Variants in NCKAP1L observed in about 807,000 individuals in gnomAD.
The protein encoded by NCKAP1L is nck-associated protein 1-like.
Under a neutral mutation model 139.2 loss-of-function variants are expected in NCKAP1L, and 53 were observed. The observed-to-expected ratio is 0.38, with a 90% CI of 0.31 to 0.48. NCKAP1L has a LOEUF of 0.48. NCKAP1L is among the 20% of genes least tolerant of loss of function. The pLI is 0.98. For missense variants in NCKAP1L, 1,151 were observed against 1,381.9 expected, an observed-to-expected ratio of 0.83 and a Z score of 2.65; for synonymous variants, 468 against 499.7, an observed-to-expected ratio of 0.94 and a Z score of 0.85.
rs1957007398 is a variant in NCKAP1L at position 54,523,963 on chromosome 12, CT to C, written c.2156+8del. 2 of 1,612,568 alleles carry C rather than the reference CT, an allele frequency of 1.2e-6. No individual in the cohort carries two copies. Among genetic ancestry groups the C allele is most frequent in the African/African-American group, 2.7e-5 (2 of 74,922 alleles). ...TGGAGGCCAGACTCAACAGGTATCA[CT>C]CTTTCCTTGTCCTCTGTTTGGACAG... On this transcript the variant is annotated splice_region_variant and intron_variant, in intron 20 of 30. Coordinates refer to ENST00000293373, the MANE Select transcript of NCKAP1L (RefSeq NM_005337.5).
Position 54,519,208 on chromosome 12 carries a change from G to A in NCKAP1L, c.1501G>A (p.Ala501Thr), listed in dbSNP as rs767122569. 1 of 1,569,150 alleles carries A rather than the reference G, an allele frequency of 6.4e-7. No homozygotes were observed. The highest frequency in any genetic ancestry group is 1.2e-5 in the South Asian group (1 of 82,758). The stretch of plus-strand genomic sequence containing the variant: ...GCAGGCATACACTAGCGTGGCTAAG[G>A]CCCCTCTGCACCTGCATGAGAACCC... ...RLQAYTSVAK[A>T]PLHLHENPDL... is the part of the protein sequence containing the mutation. The change falls in exon 16 of 31, where the codon GCC becomes ACC. Residue 501 changes from alanine to threonine, a missense_variant. Transcript: ENST00000293373.
At chr12:54,510,676 AT>A (rs59196940) in intron 7 of NCKAP1L, among the ~76,000 whole-genome samples, 3,210 of 138,758 alleles carry the variant, frequency 0.023, 94 homozygotes, top group African/African-American at 0.07. Flanking sequence ...CACCTGGGTA[AT>A]TTTTTTTTTT....
At position 54,542,703 on chromosome 12, in the gene NCKAP1L, C is replaced by G; in HGVS notation, c.*18C>G. ...TAAACTGAATGCCTGCCAGTACCCA[C>G]TGAAGAGCCCTTTGGACCTTCCTAA... On this transcript the variant is annotated 3_prime_UTR_variant, in exon 31 of 31. Transcript: ENST00000293373. 1 of 1,557,778 alleles carries G rather than the reference C, an allele frequency of 6.4e-7. No individual in the cohort carries two copies. Among genetic ancestry groups the G allele is most frequent in the East Asian group, 2.3e-5 (1 of 43,550 alleles).
At chr12:54,518,373 A>G (rs1281516915) in intron 13 of NCKAP1L, among the ~76,000 whole-genome samples, 4 of 152,042 alleles carry the variant, frequency 2.6e-5, no homozygotes, top group African/African-American at 9.7e-5. Context: ...GCCCCTTCAT[A>G]TTTGTTAAAA....
At position 54,532,251 on chromosome 12, in the gene NCKAP1L, G is replaced by A; in HGVS notation, c.2862+1G>A. 6.2e-7 allele frequency: 1 copy of A among 1,608,766 alleles called. No homozygotes were observed. Among genetic ancestry groups the A allele is most frequent in the Non-Finnish European group, 8.5e-7 (1 of 1,177,332 alleles). ...TGTCACTCCAGACACAGACATCAAGGTATGGAGGAGTGCAAAGTAGAATCT... is the reference window on the plus strand; with the variant it reads ...TGTCACTCCAGACACAGACATCAAGATATGGAGGAGTGCAAAGTAGAATCT... On this transcript the variant is annotated splice_donor_variant, in intron 26 of 30. Coordinates refer to ENST00000293373, the MANE Select transcript of NCKAP1L (RefSeq NM_005337.5). LOFTEE classifies it high-confidence loss of function.
At position 54,547,667 on chromosome 12, in the gene NCKAP1L, C is replaced by T. The variant is rs541251926; in HGVS notation, c.*4982C>T. Reference sequence around the variant, plus strand: ...TTCCCACCTATTCTAGTTTAAAGACCTGCCTAAATTTGGAAACTCCTTAGC... The same window carrying T: ...TTCCCACCTATTCTAGTTTAAAGACTTGCCTAAATTTGGAAACTCCTTAGC... On this transcript the variant is annotated 3_prime_UTR_variant, in exon 31 of 31. Transcript: ENST00000293373. The T allele has an allele frequency of 2.0e-5, 3 of 152,246 alleles. No individual in the cohort carries two copies. The highest frequency in any genetic ancestry group is 7.2e-5 in the African/African-American group (3 of 41,554). The allele number at this position is 152,246 out of a possible 1,614,324, so 9.4% of individuals were successfully genotyped here. A position where few individuals can be genotyped will look rare whatever the true frequency, so the allele number is the denominator to read the frequency against.
intron 28 of NCKAP1L, 150 bp downstream of exon 28, chr12:54,536,395 C>T (rs1306243220): frequency 1.7e-6 from 1 of 596,624 alleles, no homozygotes; most frequent in Non-Finnish European, 3.0e-6. Flanking sequence ...CACCGTGGCT[C>T]ATGCCTGTAA....
chr12:54,519,152 T>A (rs776619291), intron 15 of NCKAP1L, 35 bp from the exon 16 acceptor site: 2 of 1,554,070 alleles, frequency 1.3e-6, no homozygotes, highest in Admixed American at 2.1e-5. Context: ...TCATTCATCT[T>A]ATTTTTCTCC....
At chr12:54,509,257 G>GTGTA (rs1470909999) in intron 5 of NCKAP1L, among the ~76,000 whole-genome samples, 1 of 152,158 alleles carries the variant, frequency 6.6e-6, no homozygotes, top group Non-Finnish European at 1.5e-5. Context: ...CTATGATGAT[G>GTGTA]TGTATTCCCA....
chr12:54,535,588 A>G (rs374985222), intron 27 of NCKAP1L, among the ~76,000 whole-genome samples: 16 of 152,220 alleles, frequency 1.1e-4, no homozygotes, highest in Admixed American at 7.2e-4. Flanking sequence ...AACTCCCCAT[A>G]GTGATTTTGT....
chr12:54,536,999 C>T lies in NCKAP1L; in HGVS notation c.3129C>T (p.Ala1043=). 6.2e-7 allele frequency: 1 copy of T among 1,613,804 alleles called. No individual in the cohort carries two copies. The highest frequency in any genetic ancestry group is 1.1e-5 in the South Asian group (1 of 91,066). Residue 1043 remains alanine, a synonymous_variant, in exon 29 of 31, where the codon GCC becomes GCT. Coordinates refer to ENST00000293373, the MANE Select transcript of NCKAP1L (RefSeq NM_005337.5). ...AAGCCATCATCCAGGTGTCTGCTGC[C>T]CTCTTCACGCTCTACAACAAGAACA... ...LTKAIIQVSA[A]LFTLYNKNIE... is the part of the protein sequence containing the mutation.
intron 19 of NCKAP1L, 64 bp downstream of exon 19, chr12:54,523,603 G>A (rs1284234145): frequency 6.5e-7 from 1 of 1,549,412 alleles, no homozygotes; most frequent in Non-Finnish European, 8.7e-7. Flanking sequence ...AAAGGAAAGA[G>A]GGAAGGTGAC....
At chr12:54,518,861 G>C (rs1302560242) in intron 14 of NCKAP1L, 53 bp from the exon 15 acceptor site, 4 of 1,523,526 alleles carry the variant, frequency 2.6e-6, no homozygotes, top group Non-Finnish European at 3.6e-6. Flanking sequence ...CTATGTAGTT[G>C]GATATTGGTG....
At chr12:54,517,113 C>T (rs920023891) in intron 11 of NCKAP1L, 121 bp downstream of exon 11, 2 of 780,816 alleles carry the variant, frequency 2.6e-6, no homozygotes, top group Admixed American at 2.4e-5. Flanking sequence ...TGTATATATG[C>T]GATTCCCTTG....
intron 9 of NCKAP1L, among the ~76,000 whole-genome samples, chr12:54,514,855 G>A (rs542133653): frequency 6.6e-6 from 1 of 152,300 alleles, no homozygotes; most frequent in South Asian, 2.1e-4. Flanking sequence ...GAAGTTACAG[G>A]AGGTGGATTT....
Position 54,528,356 on chromosome 12 carries a change from G to C in NCKAP1L, c.2485G>C (p.Glu829Gln), listed in dbSNP as rs778805911. 1 of 1,613,944 alleles carries C rather than the reference G, an allele frequency of 6.2e-7. No individual in the cohort carries two copies. Among genetic ancestry groups the C allele is most frequent in the South Asian group, 1.1e-5 (1 of 91,058 alleles). ...PREGEQNFSAEEFSDISEMRA... is the reference protein window; with the variant it reads ...PREGEQNFSAQEFSDISEMRA... ...AGAAGGGGAGCAGAACTTCAGTGCA[G>C]AGGAGTTCTCTGACATCTCTGGTGA... Residue 829 changes from glutamate (E) to glutamine (Q), a missense_variant, in exon 22 of 31, where the codon GAG (glutamate) becomes CAG (glutamine). By Grantham distance (29) the Glu-to-Gln change is conservative. Transcript: ENST00000293373.
rs5798307 is a variant in NCKAP1L, at chr12:54,536,716, G to GAAA, written c.3074-217_3074-215dup. Among the ~76,000 whole-genome samples the GAAA allele has an allele frequency of 4.0e-3, 582 of 145,594 alleles. 3 individuals carry two copies. The highest frequency in any genetic ancestry group is 0.013 in the African/African-American group (530 of 39,658). On this transcript the variant is annotated intron_variant, in intron 28 of 30. Transcript: ENST00000293373. The stretch of plus-strand genomic sequence containing the variant: ...AAAACACCAAAACACCCCCTACCCT[G>GAAA]AAAAAAAAAAAAACCAGAATGAGAG...
chr12:54,518,066 C>G (rs551153929), intron 13 of NCKAP1L, 128 bp downstream of exon 13: 2 of 1,104,582 alleles, frequency 1.8e-6, no homozygotes, highest in Non-Finnish European at 2.6e-6. Flanking sequence ...CTAGGCTGGG[C>G]GCGGTGGCTC....
Position 54,520,733 on chromosome 12 carries a change from C to T in NCKAP1L, c.1665C>T (p.Thr555=). 6.2e-7 allele frequency: 1 copy of T among 1,614,076 alleles called. No homozygotes were observed. Among genetic ancestry groups the T allele is most frequent in the South Asian group, 1.1e-5 (1 of 91,078 alleles). The stretch of plus-strand genomic sequence containing the variant: ...TCTTTGAGAAGATGTTTGCCATGAC[C>T]TTGGAGGAATCTGCCATGTTGCGTT... ...LRIFEKMFAM[T]LEESAMLRYA... The change falls in exon 17 of 31, where the codon ACC becomes ACT. Residue 555 remains threonine (T), a synonymous_variant. Transcript: ENST00000293373.
Sources: allele counts gnomAD v4.1 joint callset (sites outside exome capture counted in the v4.1 genomes callset), GRCh38; gene constraint gnomAD v4.1.1; transcripts MANE v1.5; gene names NCBI Gene and HGNC (gene_info 2026-07-23, HGNC 2026-07-21).